ELOVL5: variants seen among roughly 807,000 people sequenced by gnomAD.
ELOVL5 encodes the protein very long chain fatty acid elongase 5.
Under a neutral mutation model 38.6 loss-of-function variants are expected in ELOVL5, and 8 were observed. The observed-to-expected ratio is 0.21, with a 90% CI of 0.12 to 0.37. The LOEUF is 0.37. ELOVL5 is among the 10% of genes least tolerant of loss of function. The probability of loss-of-function intolerance (pLI) is 1.00; values close to 1 mark genes in which losing one functional copy is unlikely to be tolerated. For missense variants in ELOVL5, 280 were observed against 367.8 expected, an observed-to-expected ratio of 0.76 and a Z score of 1.95; for synonymous variants, 127 against 133.7, an observed-to-expected ratio of 0.95 and a Z score of 0.34.
At chr6:53,270,983 T>C (rs1765898021) in intron 6 of ELOVL5, among the ~76,000 whole-genome samples, 1 of 152,186 alleles carries the variant, frequency 6.6e-6, no homozygotes, top group African/African-American at 2.4e-5. Flanking sequence ...AAGGATACAC[T>C]ATAGAGACAT....
intron 3 of ELOVL5, among the ~76,000 whole-genome samples, chr6:53,281,387 T>C (rs186411751): frequency 3.4e-4 from 52 of 152,318 alleles, no homozygotes; most frequent in Admixed American, 3.3e-3. Context: ...TACAAGCTCG[T>C]ATTTTTAATG....
intron 2 of ELOVL5, among the ~76,000 whole-genome samples, chr6:53,293,421 G>A (rs1339371227): frequency 6.6e-6 from 1 of 152,102 alleles, no homozygotes; most frequent in Non-Finnish European, 1.5e-5. Flanking sequence ...GGGTCCAAGC[G>A]ATTCTCCTGC....
intron 6 of ELOVL5, 140 bp from the exon 7 acceptor site, chr6:53,270,867 T>C: frequency 3.5e-6 from 3 of 848,270 alleles, no homozygotes; most frequent in Non-Finnish European, 3.7e-6. Context: ...AGTCACTTCA[T>C]GAACACAACA....
intron 2 of ELOVL5, 137 bp downstream of exon 2, chr6:53,295,505 T>C (rs577972765): frequency 3.1e-6 from 2 of 652,628 alleles, no homozygotes; most frequent in Admixed American, 3.7e-5. Context: ...TCCAAATTCC[T>C]TGTTATCCAG....
chr6:53,271,961 T>C (rs770964490), intron 6 of ELOVL5, among the ~76,000 whole-genome samples: 1 of 152,226 alleles, frequency 6.6e-6, no homozygotes, highest in Non-Finnish European at 1.5e-5. Flanking sequence ...AATTTCTGCA[T>C]CATTTCTCCT....
At chr6:53,276,929 G>A (rs1362659001) in intron 3 of ELOVL5, 2 of 151,368 alleles carry the variant, frequency 1.3e-5, no homozygotes, top group East Asian at 2.0e-4. Flanking sequence ...CCATGCCTCA[G>A]AATCACTTGC....
At chr6:53,269,590 T>C (rs1765851046) in intron 7 of ELOVL5, among the ~76,000 whole-genome samples, 2 of 152,342 alleles carry the variant, frequency 1.3e-5, no homozygotes, top group African/African-American at 4.8e-5. Context: ...TGACAGGGGT[T>C]ATGTGGCCAA....
intron 1 of ELOVL5, among the ~76,000 whole-genome samples, chr6:53,302,864 G>A (rs1284590689): frequency 6.6e-6 from 1 of 152,030 alleles, no homozygotes; most frequent in East Asian, 1.9e-4. Context: ...TTTAGCTATT[G>A]TCTAGCTTAA....
intron 1 of ELOVL5, among the ~76,000 whole-genome samples, chr6:53,330,857 C>T (rs9349663): frequency 0.34 from 51,795 of 151,780 alleles, 9,454 homozygotes; most frequent in African/African-American, 0.48. Context: ...GAAACACACA[C>T]ATTAGCCTAG....
At chr6:53,296,477 T>C (rs953877650) in intron 1 of ELOVL5, among the ~76,000 whole-genome samples, 6 of 152,186 alleles carry the variant, frequency 3.9e-5, no homozygotes, top group African/African-American at 1.4e-4. Context: ...AGAATGAATA[T>C]AGTTTTATAA....
intron 3 of ELOVL5, among the ~76,000 whole-genome samples, chr6:53,285,411 T>C (rs368452911): frequency 6.6e-5 from 10 of 152,244 alleles, no homozygotes; most frequent in Middle Eastern, 3.4e-3. Context: ...GAAGAAAAGC[T>C]TGAAAATAGC....
At chr6:53,295,794 A>G in intron 1 of ELOVL5, 87 bp from the exon 2 acceptor site, 1 of 827,782 alleles carries the variant, frequency 1.2e-6, no homozygotes, top group Non-Finnish European at 1.8e-6. Context: ...AATTCTTTTC[A>G]AAGAATATGC....
chr6:53,292,040 T>A, intron 2 of ELOVL5, 77 bp from the exon 3 acceptor site: 2 of 963,772 alleles, frequency 2.1e-6, no homozygotes, highest in Non-Finnish European at 1.5e-6. Flanking sequence ...TCTCTAACCA[T>A]GATGATATAA....
intron 1 of ELOVL5, among the ~76,000 whole-genome samples, chr6:53,330,517 CTTTTTTTTTT>C (rs757160862): frequency 9.8e-5 from 9 of 91,424 alleles, no homozygotes; most frequent in African/African-American, 3.4e-4. Context: ...TCTTTATAAA[CTTTTTTTTTT>C]TTTTTTTTTT....
intron 6 of ELOVL5, among the ~76,000 whole-genome samples, chr6:53,272,352 G>C (rs2127565943): frequency 6.6e-6 from 1 of 152,142 alleles, no homozygotes; most frequent in East Asian, 1.9e-4. Flanking sequence ...CCCCAGGCTG[G>C]TCTTAAACTC....
rs546480447 is a variant in ELOVL5 at position 53,304,890 on chromosome 6, T to C, written c.-8-9183A>G. Among the ~76,000 whole-genome samples, 4 of 152,336 alleles carry C rather than the reference T, an allele frequency of 2.6e-5. No individual in the cohort carries two copies. In the East Asian group the frequency reaches 7.7e-4, roughly 29 times the overall value. On this transcript the variant is annotated intron_variant, in intron 1 of 7. Transcript: ENST00000304434. ...TTTCCCCACCTTTCCCCCTTTTCTA[T>C]TCCACAAAACCACCATTGTCATCAT...
At position 53,267,652 on chromosome 6, in the gene ELOVL5, T is replaced by TA. The variant is rs1765786137; in HGVS notation, c.*1474dup. 1.3e-5 allele frequency: 2 copies of TA among 152,740 alleles called. No homozygotes were observed. Among genetic ancestry groups the TA allele is most frequent in the South Asian group, 4.1e-4 (2 of 4,830 alleles). 9.5% of individuals were successfully genotyped at this position (152,740 alleles called of 1,614,324 possible). On this transcript the variant is annotated 3_prime_UTR_variant, in exon 8 of 8. Transcript: ENST00000304434. The stretch of plus-strand genomic sequence containing the variant: ...TCAAACAGAAAACCCACAAGACTAA[T>TA]AGAGAACCAATAGGCTCCCTATAGT...
At chr6:53,281,952 C>G (rs1024530015) in intron 3 of ELOVL5, among the ~76,000 whole-genome samples, 4 of 151,904 alleles carry the variant, frequency 2.6e-5, no homozygotes, top group Non-Finnish European at 5.9e-5. Flanking sequence ...CACAAAGAAA[C>G]AGCCTGTCCT....
intron 1 of ELOVL5, among the ~76,000 whole-genome samples, chr6:53,297,331 A>G (rs926207764): frequency 3.3e-5 from 5 of 152,252 alleles, no homozygotes; most frequent in Admixed American, 6.5e-5. Context: ...TGAGATTTCA[A>G]TTACCTGAAA....
Sources: gnomAD v4.1 joint callset for allele counts (sites outside exome capture counted in the v4.1 genomes callset) on GRCh38, gnomAD v4.1.1 for gene constraint, MANE v1.5 for transcripts, NCBI Gene and HGNC (gene_info 2026-07-23, HGNC 2026-07-21) for gene names.